The following NAV3 variants were observed in gnomAD, a reference collection of about 807,000 sequenced individuals.
The protein encoded by NAV3 is pore membrane and/or filament interacting like protein 1.
Under a neutral mutation model 244.7 loss-of-function variants are expected in NAV3, and 87 were observed. The observed-to-expected ratio is 0.36, with a 90% confidence interval of 0.30 to 0.42. The LOEUF is 0.42. Among genes scored for constraint, NAV3 ranks in the 20% least tolerant of loss-of-function variants. The pLI, the probability that NAV3 is intolerant of heterozygous loss-of-function variation, is 1.00. For missense variants in NAV3, 2,663 were observed against 2,893.3 expected (o/e 0.92, Z 1.83); for synonymous variants, 1,126 against 1,042.2 (o/e 1.08, Z -1.55).
intron 34 of NAV3, among the ~76,000 whole-genome samples, chr12:78,195,208 G>A (rs550711062): frequency 6.6e-5 from 10 of 152,014 alleles, no homozygotes; most frequent in African/African-American, 2.4e-4. Context: ...CTTCTGCATG[G>A]ATTCAAAGTC....
chr12:77,820,317 T>A (rs1279271813), intron 2 of NAV3, among the ~76,000 whole-genome samples: 4 of 152,136 alleles, frequency 2.6e-5, no homozygotes, highest in East Asian at 3.9e-4. Context: ...GGAATTTATA[T>A]CCCATAGTTC....
intron 2 of NAV3, among the ~76,000 whole-genome samples, chr12:77,596,032 T>G (rs1870151922): frequency 6.6e-6 from 1 of 152,200 alleles, no homozygotes; most frequent in Admixed American, 6.5e-5. Context: ...CATTCAATTA[T>G]CTGGTCCATT....
chr12:77,938,931 C>CGTGTGTGTGT (rs35392593), intron 1 of NAV3, among the ~76,000 whole-genome samples: 82 of 142,590 alleles, frequency 5.8e-4, no homozygotes, highest in African/African-American at 7.0e-4. Flanking sequence ...AATGTGATCT[C>CGTGTGTGTGT]GTGTGTGTGT....
intron 3 of NAV3, among the ~76,000 whole-genome samples, chr12:77,948,322 T>C (rs1337989133): frequency 6.6e-6 from 1 of 152,010 alleles, no homozygotes; most frequent in African/African-American, 2.4e-5. Flanking sequence ...AAATAGAAAT[T>C]GGAATAAAGT....
chr12:77,963,903 T>TTC lies in NAV3; in HGVS notation c.415-2325_415-2324dup, dbSNP rs1892270338. 3.7e-4 allele frequency among the ~76,000 whole-genome samples: 6 copies of TTC among 16,238 alleles called. No individual in the cohort carries two copies. The South Asian group carries it at 0.012, about 34-fold the overall frequency. 10.7% of individuals were successfully genotyped at this position (16,238 alleles called of 152,430 possible). A position where few individuals can be genotyped will look rare whatever the true frequency, so the allele number is the denominator to read the frequency against. On this transcript the variant is annotated intron_variant, in intron 3 of 39. Coordinates refer to ENST00000397909, the MANE Select transcript of NAV3 (RefSeq NM_001024383.2). ...TCCTTCTCCTTCCTTCTCCTTCTCC[T>TTC]TCCTTCTCCTTCTCCTTCCTTCTTC...
chr12:77,827,345 G>A (rs559256713), upstream of NAV3, among the ~76,000 whole-genome samples: 2 of 150,506 alleles, frequency 1.3e-5, no homozygotes, highest in African/African-American at 4.9e-5. Flanking sequence ...ATGATTTTGT[G>A]TTGACAGTTG....
chr12:77,575,580 C>G (rs761272306), intron 2 of NAV3, among the ~76,000 whole-genome samples: 2 of 152,070 alleles, frequency 1.3e-5, no homozygotes, highest in Non-Finnish European at 2.9e-5. Flanking sequence ...TTGCTGCCAG[C>G]TAATTTTATT....
At position 77,770,922 on chromosome 12, in the gene NAV3, T is replaced by A. The variant is rs544141839; in HGVS notation, c.73-169397T>A. Among the ~76,000 whole-genome samples the A allele has an allele frequency of 1.2e-4, 18 of 152,144 alleles. No individual in the cohort carries two copies. In the South Asian group the frequency reaches 3.7e-3, roughly 32 times the overall value. On this transcript the variant is annotated intron_variant, in intron 2 of 8. Coordinates refer to the NAV3 transcript ENST00000550042. ...GCCAAAATTGACAAATGGGATCTAA[T>A]TAAACTAAAGAGCTTCTGCACAGCA...
Position 77,906,980 on chromosome 12 carries a change from A to G in NAV3, c.244-33339A>G, listed in dbSNP as rs79443613. On this transcript the variant is annotated intron_variant, in intron 1 of 39. Coordinates refer to ENST00000397909, the MANE Select transcript of NAV3 (RefSeq NM_001024383.2). ...TATTTGCCACCATCCTGGTCTATCT[A>G]TATGGCTTCAGTGCCCTTCAAGCAG... is the stretch of plus-strand genomic sequence containing the variant. 2.0e-5 allele frequency among the ~76,000 whole-genome samples: 3 copies of G among 152,264 alleles called. No individual in the cohort carries two copies. The East Asian group carries it at 5.8e-4, about 29-fold the overall frequency.
At chr12:78,120,861 G>A (rs1183731443) in intron 15 of NAV3, among the ~76,000 whole-genome samples, 1 of 152,130 alleles carries the variant, frequency 6.6e-6, no homozygotes, top group Non-Finnish European at 1.5e-5. Context: ...TCTTGGAAAG[G>A]AAAGATTTTG....
intron 2 of NAV3, among the ~76,000 whole-genome samples, chr12:77,820,354 G>T (rs564058609): frequency 1.3e-5 from 2 of 152,060 alleles, no homozygotes; most frequent in African/African-American, 4.8e-5. Context: ...CTAGATCAAG[G>T]CACTGACATC....
chr12:78,072,057 G>T (rs1325149851), intron 12 of NAV3, among the ~76,000 whole-genome samples: 1 of 152,128 alleles, frequency 6.6e-6, no homozygotes, highest in African/African-American at 2.4e-5. Flanking sequence ...GAAATTTATA[G>T]CACTAAATGC....
At chr12:77,820,466 C>T (rs1872692457) in intron 2 of NAV3, among the ~76,000 whole-genome samples, 1 of 152,164 alleles carries the variant, frequency 6.6e-6, no homozygotes, top group Non-Finnish European at 1.5e-5. Flanking sequence ...CACCTAATCC[C>T]ATTCATGAGG....
intron 2 of NAV3, among the ~76,000 whole-genome samples, chr12:77,584,764 T>A (rs952954031): frequency 6.6e-6 from 1 of 152,244 alleles, no homozygotes; most frequent in African/African-American, 2.4e-5. Flanking sequence ...ACAGACAGTA[T>A]GTGCTACTTG....
intron 34 of NAV3, among the ~76,000 whole-genome samples, chr12:78,191,451 A>G (rs1427841988): frequency 6.6e-6 from 1 of 152,186 alleles, no homozygotes; most frequent in Non-Finnish European, 1.5e-5. Flanking sequence ...ACATACACAT[A>G]CAACCACACA....
chr12:77,678,397 TTC>T (rs1874302623), intron 2 of NAV3, among the ~76,000 whole-genome samples: 1 of 152,186 alleles, frequency 6.6e-6, no homozygotes, highest in Admixed American at 6.5e-5. Context: ...AAATTATTGT[TTC>T]TATGGAAATC....
chr12:77,737,854 A>T (rs925331378), intron 2 of NAV3, among the ~76,000 whole-genome samples: 2 of 152,136 alleles, frequency 1.3e-5, no homozygotes, highest in African/African-American at 4.8e-5. Flanking sequence ...ATGGAATATG[A>T]TCATATCCTG....
intron 2 of NAV3, among the ~76,000 whole-genome samples, chr12:77,639,781 C>A (rs1219577670): frequency 1.3e-5 from 2 of 152,114 alleles, no homozygotes; most frequent in East Asian, 1.9e-4. Flanking sequence ...GAAATAATAA[C>A]CTTGTGCTTC....
intron 24 of NAV3, among the ~76,000 whole-genome samples, chr12:78,170,842 C>A (rs1957970486): frequency 6.6e-6 from 1 of 151,688 alleles, no homozygotes; most frequent in African/African-American, 2.4e-5. Flanking sequence ...TTCCTTGACC[C>A]CTACATTGAA....
Sources: gnomAD v4.1 joint callset for allele counts (sites outside exome capture counted in the v4.1 genomes callset) on GRCh38, gnomAD v4.1.1 for gene constraint, MANE v1.5 for transcripts, NCBI Gene and HGNC (gene_info 2026-07-23, HGNC 2026-07-21) for gene names.